SKAP2: variants seen among roughly 807,000 people sequenced by gnomAD.
SKAP2 encodes src kinase-associated phosphoprotein 2.
A neutral mutation model predicts 54.9 loss-of-function variants in SKAP2; 28 were observed. The ratio of observed to expected loss-of-function variants is 0.51; its 90% CI spans 0.38 to 0.70. The LOEUF (loss-of-function observed/expected upper bound fraction) is 0.70. SKAP2 is among the 30% of genes least tolerant of loss of function. The pLI is 0.00. For missense variants in SKAP2, 356 were observed against 424.1 expected (o/e 0.84, Z 1.41); for synonymous variants, 137 against 134.3 (o/e 1.02, Z -0.14).
At chr7:26,823,759 C>T (rs1468117894) in intron 4 of SKAP2, among the ~76,000 whole-genome samples, 2 of 152,178 alleles carry the variant, frequency 1.3e-5, no homozygotes, top group African/African-American at 2.4e-5. Context: ...GAAGAAGACA[C>T]TGCAGATGTG....
At chr7:26,774,012 C>T (rs1381223177) in intron 4 of SKAP2, among the ~76,000 whole-genome samples, 1 of 152,102 alleles carries the variant, frequency 6.6e-6, no homozygotes, top group African/African-American at 2.4e-5. Context: ...CAGGTAAAAT[C>T]AGATTTTAAA....
In SKAP2 at chr7:26,740,006, T is replaced by C. The variant is rs1041256038; in HGVS notation, c.308-42A>G. The C allele has an allele frequency of 1.0e-5, 13 of 1,270,652 alleles. No individual in the cohort carries two copies. In the Admixed American group the frequency reaches 2.7e-4, roughly 26 times the overall value. The allele number at this position is 1,270,652 out of a possible 1,614,324, so 78.7% of individuals were successfully genotyped here. ...AGAGAAAAAAAAAAGCAGTGGGTAA[T>C]CCATTTCAGAATAAACAAGTGCCAG... On this transcript the variant is annotated intron_variant, in intron 4 of 12. Coordinates refer to ENST00000345317, the MANE Select transcript of SKAP2 (RefSeq NM_003930.5).
At chr7:26,800,274 G>T (rs574827545) in intron 4 of SKAP2, among the ~76,000 whole-genome samples, 1 of 152,018 alleles carries the variant, frequency 6.6e-6, no homozygotes. Flanking sequence ...AATAACCAGC[G>T]GGTCGGTGAA....
chr7:26,802,709 A>C (rs1171343715), intron 4 of SKAP2, among the ~76,000 whole-genome samples: 1 of 151,924 alleles, frequency 6.6e-6, no homozygotes, highest in Non-Finnish European at 1.5e-5. Flanking sequence ...GGTGAAACCC[A>C]GTCTCTACTA....
chr7:26,823,350 T>C (rs1275451924), intron 4 of SKAP2, among the ~76,000 whole-genome samples: 1 of 134,164 alleles, frequency 7.5e-6, no homozygotes, highest in Non-Finnish European at 1.5e-5. Context: ...TGCTTGAACC[T>C]GGGAGGTGGG....
downstream of SKAP2, among the ~76,000 whole-genome samples, chr7:26,665,271 T>C: frequency 6.6e-6 from 1 of 152,186 alleles, no homozygotes; most frequent in East Asian, 1.9e-4. Context: ...TGCCTCTTAT[T>C]TGAGGTCACA....
At chr7:26,777,441 T>C (rs1355722439) in intron 4 of SKAP2, among the ~76,000 whole-genome samples, 1 of 152,220 alleles carries the variant, frequency 6.6e-6, no homozygotes, top group Non-Finnish European at 1.5e-5. Context: ...AATAGTTCTT[T>C]GAATATTTGA....
rs145715904 is a variant in SKAP2, at chr7:26,740,945, G to A, written c.308-981C>T. Among the ~76,000 whole-genome samples the A allele has an allele frequency of 4.7e-3, 710 of 151,870 alleles. 6 individuals are homozygous for A. Among genetic ancestry groups the A allele is most frequent in the African/African-American group, 0.016 (669 of 41,402 alleles). On this transcript the variant is annotated intron_variant, in intron 4 of 12. Coordinates refer to ENST00000345317, the MANE Select transcript of SKAP2 (RefSeq NM_003930.5). ...AGAGGTTGCAGTGAGCCAAGATCAC[G>A]CCATTGCAATCCAGCCTGGGAAAAA...
At chr7:26,675,895 T>C (rs1786340172) in intron 11 of SKAP2, among the ~76,000 whole-genome samples, 1 of 152,188 alleles carries the variant, frequency 6.6e-6, no homozygotes, top group East Asian at 1.9e-4. Flanking sequence ...AAGAAGGTAT[T>C]TGTCCACATT....
chr7:26,697,613 C>T (rs2127944748), intron 9 of SKAP2, among the ~76,000 whole-genome samples: 1 of 152,106 alleles, frequency 6.6e-6, no homozygotes, highest in East Asian at 1.9e-4. Flanking sequence ...TAACCTCTAT[C>T]TGGCTCTGGA....
intron 4 of SKAP2, among the ~76,000 whole-genome samples, chr7:26,759,009 A>G (rs567972860): frequency 2.4e-4 from 36 of 151,734 alleles, no homozygotes; most frequent in South Asian, 1.7e-3. Context: ...AAATTTGTTG[A>G]TATTACAAAA....
intron 4 of SKAP2, among the ~76,000 whole-genome samples, chr7:26,784,671 T>C (rs1783502227): frequency 6.6e-6 from 1 of 152,198 alleles, no homozygotes; most frequent in African/African-American, 2.4e-5. Flanking sequence ...ACAGGCATCT[T>C]CTGTAGAAGG....
At chr7:26,733,126 G>A (rs527615346) in intron 6 of SKAP2, among the ~76,000 whole-genome samples, 36 of 147,530 alleles carry the variant, frequency 2.4e-4, no homozygotes, top group African/African-American at 7.3e-4. Flanking sequence ...GCGAGACCCC[G>A]TCTCAAAAAA....
At chr7:26,661,118 T>A in the SKAP2 span, among the ~76,000 whole-genome samples, 1 of 152,104 alleles carries the variant, frequency 6.6e-6, no homozygotes, top group Non-Finnish European at 1.5e-5. Flanking sequence ...ATATGCTCAA[T>A]TTTTTAGATA....
intron 4 of SKAP2, among the ~76,000 whole-genome samples, chr7:26,842,906 A>G (rs1231069467): frequency 6.6e-6 from 1 of 152,006 alleles, no homozygotes; most frequent in Non-Finnish European, 1.5e-5. Context: ...CCCTTTAAAA[A>G]TAGAAATTAA....
At position 26,854,780 on chromosome 7, in the gene SKAP2, C is replaced by T. The variant is rs755160581; in HGVS notation, c.173+5G>A. The T allele has an allele frequency of 1.3e-6, 2 of 1,587,822 alleles. No individual in the cohort carries two copies. Among genetic ancestry groups the T allele is most frequent in the African/African-American group, 1.3e-5 (1 of 74,272 alleles). ...AAATCAGTAAACAAAAGGTAAGTGA[C>T]TTACATAGACTTTACATCTTTTATC... On this transcript the variant is annotated splice_donor_5th_base_variant and intron_variant, in intron 2 of 12. Coordinates refer to ENST00000345317, the MANE Select transcript of SKAP2 (RefSeq NM_003930.5).
chr7:26,804,401 T>C (rs1783980847), intron 4 of SKAP2, among the ~76,000 whole-genome samples: 1 of 152,202 alleles, frequency 6.6e-6, no homozygotes, highest in Non-Finnish European at 1.5e-5. Flanking sequence ...TATTTATACC[T>C]TACATGATAA....
intron 3 of SKAP2, among the ~76,000 whole-genome samples, chr7:26,845,848 C>T (rs532945617): frequency 1.3e-5 from 2 of 152,258 alleles, no homozygotes; most frequent in African/African-American, 4.8e-5. Flanking sequence ...AAGAGGACCG[C>T]TTGAGCCCAG....
chr7:26,706,008 T>C (rs1399057618), intron 9 of SKAP2, among the ~76,000 whole-genome samples: 1 of 152,220 alleles, frequency 6.6e-6, no homozygotes, highest in South Asian at 2.1e-4. Flanking sequence ...GACATTCTGC[T>C]GCTAGAAACT....
Sources: allele counts gnomAD v4.1 joint callset (sites outside exome capture counted in the v4.1 genomes callset), GRCh38; gene constraint gnomAD v4.1.1; transcripts MANE v1.5; gene names NCBI Gene and HGNC (gene_info 2026-07-23, HGNC 2026-07-21).